MAPK8: variants seen among roughly 807,000 people sequenced by gnomAD.
MAPK8 encodes the protein mitogen-activated protein kinase 8.
Under a neutral mutation model 52.9 loss-of-function variants are expected in MAPK8, and 13 were observed. That is an observed-to-expected ratio of 0.25 (90% CI 0.16 to 0.39). The LOEUF (loss-of-function observed/expected upper bound fraction) is 0.39, where lower values mean the gene tolerates loss of function less well. Among genes scored for constraint, MAPK8 ranks in the 10% least tolerant of loss-of-function variants. The pLI, the probability that MAPK8 is intolerant of heterozygous loss-of-function variation, is 1.00. For missense variants in MAPK8, 300 were observed against 519.2 expected, an observed-to-expected ratio of 0.58 and a Z score of 4.10; for synonymous variants, 191 against 169.8, an observed-to-expected ratio of 1.12 and a Z score of -0.97.
At chr10:48,369,504 T>C (rs1848359542) in intron 1 of MAPK8, among the ~76,000 whole-genome samples, 1 of 152,132 alleles carries the variant, frequency 6.6e-6, no homozygotes, top group Non-Finnish European at 1.5e-5. Flanking sequence ...GTGGTAATGA[T>C]TAGTAGACCC....
intron 5 of MAPK8, among the ~76,000 whole-genome samples, chr10:48,411,528 C>T (rs781279790): frequency 3.9e-5 from 6 of 152,106 alleles, no homozygotes; most frequent in East Asian, 1.9e-4. Context: ...CTTTTAGCTT[C>T]GTAGTAACTT....
intron 1 of MAPK8, among the ~76,000 whole-genome samples, chr10:48,309,375 T>C (rs750399438): frequency 3.3e-5 from 5 of 152,150 alleles, no homozygotes; most frequent in South Asian, 4.1e-4. Context: ...GTAAGAGATA[T>C]AGCATCGATT....
intron 1 of MAPK8, among the ~76,000 whole-genome samples, chr10:48,322,371 CATTAT>C (rs950569966): frequency 3.3e-5 from 5 of 151,486 alleles, no homozygotes; most frequent in African/African-American, 7.3e-5. Flanking sequence ...TAACTTAAGA[CATTAT>C]ATAAGGAAAA....
At chr10:48,368,191 A>G (rs1848234934) in intron 1 of MAPK8, among the ~76,000 whole-genome samples, 1 of 152,230 alleles carries the variant, frequency 6.6e-6, no homozygotes, top group Non-Finnish European at 1.5e-5. Flanking sequence ...GTGCTATGCA[A>G]TTCTGGGAAT....
intron 10 of MAPK8, among the ~76,000 whole-genome samples, chr10:48,427,727 C>T (rs1014570813): frequency 6.6e-5 from 10 of 152,122 alleles, no homozygotes; most frequent in African/African-American, 2.4e-4. Flanking sequence ...CTCCTGACCT[C>T]GTGATCCACC....
intron 11 of MAPK8, among the ~76,000 whole-genome samples, chr10:48,433,406 A>C (rs1450202529): frequency 6.6e-6 from 1 of 152,250 alleles, no homozygotes; most frequent in Non-Finnish European, 1.5e-5. Flanking sequence ...TGTATGGTAC[A>C]CAGATATACC....
chr10:48,382,422 CAG>C (rs1398981263), intron 1 of MAPK8, among the ~76,000 whole-genome samples: 1 of 152,054 alleles, frequency 6.6e-6, no homozygotes, highest in Admixed American at 6.6e-5. Flanking sequence ...AATATACAAA[CAG>C]ATCTGTACAC....
At chr10:48,413,418 G>T (rs2042867728) in intron 5 of MAPK8, among the ~76,000 whole-genome samples, 1 of 152,124 alleles carries the variant, frequency 6.6e-6, no homozygotes, top group Non-Finnish European at 1.5e-5. Context: ...GTGCAGAAGG[G>T]TTTCAGTTAT....
chr10:48,404,992 A>G lies in MAPK8; in HGVS notation c.252+11A>G, dbSNP rs2042382572. ...GTTAATCACAAAAATGTAAGTGAAC[A>G]TTTTTGGTTTCCTAAGTATAGATGA... On this transcript the variant is annotated intron_variant, in intron 3 of 11. Transcript: ENST00000374189. 6 of 1,590,790 alleles carry G rather than the reference A, an allele frequency of 3.8e-6. No individual in the cohort carries two copies. Among genetic ancestry groups the G allele is most frequent in the African/African-American group, 1.4e-5 (1 of 73,764 alleles).
intron 1 of MAPK8, among the ~76,000 whole-genome samples, chr10:48,341,721 G>C (rs547789313): frequency 1.3e-5 from 2 of 152,306 alleles, no homozygotes; most frequent in African/African-American, 4.8e-5. Flanking sequence ...TAAACAATTA[G>C]AACTCTGATG....
At chr10:48,404,217 T>C (rs1589207618) in intron 2 of MAPK8, among the ~76,000 whole-genome samples, 1 of 150,306 alleles carries the variant, frequency 6.7e-6, no homozygotes, top group Non-Finnish European at 1.5e-5. Context: ...AGTGCGGTGG[T>C]GCGATCTTGG....
intron 1 of MAPK8, among the ~76,000 whole-genome samples, chr10:48,307,399 CAG>C: frequency 6.6e-6 from 1 of 152,306 alleles, no homozygotes; most frequent in South Asian, 2.1e-4. Context: ...GGCTGCAGGG[CAG>C]AGAGCCCAGG....
Position 48,402,116 on chromosome 10 carries a change from A to G in MAPK8, c.122+334A>G, listed in dbSNP as rs151065286. 2.1e-3 allele frequency among the ~76,000 whole-genome samples: 319 copies of G among 152,308 alleles called. 2 individuals are homozygous for G. The highest frequency in any genetic ancestry group is 7.1e-3 in the African/African-American group (296 of 41,570). On this transcript the variant is annotated intron_variant, in intron 2 of 11. Coordinates refer to ENST00000374189, the MANE Select transcript of MAPK8 (RefSeq NM_001323329.2). Reference sequence around the variant, plus strand: ...TGAGCATCATGTCAGTGCCCCCAAAATTTAGATTCTCGAGCATTTTAGATT... The same window carrying G: ...TGAGCATCATGTCAGTGCCCCCAAAGTTTAGATTCTCGAGCATTTTAGATT...
intron 3 of MAPK8, 95 bp from the exon 4 acceptor site, chr10:48,409,784 G>T: frequency 1.3e-6 from 1 of 791,296 alleles, no homozygotes. Flanking sequence ...ATTTTAAACT[G>T]ATGGTAGTTT....
chr10:48,429,380 A>G (rs2043983701), intron 10 of MAPK8, among the ~76,000 whole-genome samples: 1 of 152,206 alleles, frequency 6.6e-6, no homozygotes, highest in Non-Finnish European at 1.5e-5. Flanking sequence ...TTGCTTTAAA[A>G]ACATTTACCT....
chr10:48,308,651 G>A (rs1221546147), intron 1 of MAPK8, among the ~76,000 whole-genome samples: 1 of 152,126 alleles, frequency 6.6e-6, no homozygotes, highest in Admixed American at 6.5e-5. Flanking sequence ...TTCAGTAGGG[G>A]TCTAAAATGA....
At chr10:48,354,818 C>G (rs1183452307) in intron 1 of MAPK8, among the ~76,000 whole-genome samples, 1 of 151,932 alleles carries the variant, frequency 6.6e-6, no homozygotes, top group Non-Finnish European at 1.5e-5. Flanking sequence ...AAAAGAATTC[C>G]CTAAGATAAT....
chr10:48,370,136 T>C (rs948096802), intron 1 of MAPK8, among the ~76,000 whole-genome samples: 1 of 152,158 alleles, frequency 6.6e-6, no homozygotes, highest in Non-Finnish European at 1.5e-5. Flanking sequence ...TACATTGTAA[T>C]GGTGAAGAGT....
At chr10:48,408,640 A>G (rs893884744) in intron 3 of MAPK8, among the ~76,000 whole-genome samples, 1 of 152,242 alleles carries the variant, frequency 6.6e-6, no homozygotes, top group African/African-American at 2.4e-5. Flanking sequence ...GGTAAGTAAT[A>G]TGATCAGGTC....
Sources: gnomAD v4.1 joint callset for allele counts (sites outside exome capture counted in the v4.1 genomes callset) on GRCh38, gnomAD v4.1.1 for gene constraint, MANE v1.5 for transcripts, NCBI Gene and HGNC (gene_info 2026-07-23, HGNC 2026-07-21) for gene names.